The following GSK3B variants were observed in gnomAD, a reference collection of about 807,000 sequenced individuals.
The protein encoded by GSK3B is glycogen synthase kinase 3 beta.
GSK3B carries 15 observed loss-of-function variants against 56.4 expected under a neutral mutation model. The observed-to-expected ratio is 0.27, with a 90% confidence interval of 0.18 to 0.41. GSK3B has a LOEUF of 0.41. GSK3B is among the 10% of genes least tolerant of loss of function. The pLI, the probability that GSK3B is intolerant of heterozygous loss-of-function variation, is 1.00. For synonymous variants in GSK3B, 181 were observed against 188.9 expected, an observed-to-expected ratio of 0.96 and a Z score of 0.34; for missense variants, 300 against 513.4, an observed-to-expected ratio of 0.58 and a Z score of 4.02.
chr3:119,951,520 G>A (rs959521810), intron 2 of GSK3B, among the ~76,000 whole-genome samples: 2 of 152,176 alleles, frequency 1.3e-5, no homozygotes, highest in African/African-American at 4.8e-5. Flanking sequence ...GCAGTAAGCT[G>A]AGATCATGCC....
At chr3:119,848,019 T>C (rs1463123922) in intron 9 of GSK3B, among the ~76,000 whole-genome samples, 3 of 152,206 alleles carry the variant, frequency 2.0e-5, no homozygotes, top group Non-Finnish European at 4.4e-5. Flanking sequence ...ACTGAAAATG[T>C]CTTTATCCAA....
chr3:120,071,560 C>T (rs893557053), intron 1 of GSK3B, among the ~76,000 whole-genome samples: 51 of 152,072 alleles, frequency 3.4e-4, no homozygotes, highest in African/African-American at 1.2e-3. Flanking sequence ...AGCACACATG[C>T]GAGGGATCTA....
At position 119,822,071 on chromosome 3, in the gene GSK3B, G is replaced by GA. The variant is rs1026473001; in HGVS notation, c.*4716dup. On this transcript the variant is annotated 3_prime_UTR_variant, in exon 11 of 11. Coordinates refer to ENST00000264235, the MANE Select transcript of GSK3B (RefSeq NM_001146156.2). ...GTATTTACAAGGGAATGGGGAAAGG[G>GA]AAAAAAAACATTGAGCATACTTTTC... The GA allele has an allele frequency of 6.2e-5, 12 of 194,560 alleles. No individual in the cohort carries two copies. Among genetic ancestry groups the GA allele is most frequent in the South Asian group, 2.0e-4 (1 of 5,108 alleles). The allele number at this position is 194,560 out of a possible 1,614,324, so 12.1% of individuals were successfully genotyped here.
chr3:119,954,007 A>C (rs2057184806), intron 2 of GSK3B, among the ~76,000 whole-genome samples: 2 of 152,130 alleles, frequency 1.3e-5, no homozygotes, highest in South Asian at 4.1e-4. Context: ...ATACAGACAC[A>C]GACACAGACA....
At chr3:120,042,116 C>CA (rs1458227793) in intron 1 of GSK3B, among the ~76,000 whole-genome samples, 1 of 152,050 alleles carries the variant, frequency 6.6e-6, no homozygotes, top group Admixed American at 6.6e-5. Flanking sequence ...CCCCAGACAC[C>CA]AAAAAAGCCT....
chr3:120,036,074 AT>A (rs2058019926), intron 1 of GSK3B, among the ~76,000 whole-genome samples: 2 of 152,152 alleles, frequency 1.3e-5, no homozygotes, highest in African/African-American at 4.8e-5. Flanking sequence ...AGCATCCAAT[AT>A]TTTGCCATTA....
chr3:119,970,270 T>C (rs2057353255), intron 2 of GSK3B, among the ~76,000 whole-genome samples: 2 of 152,170 alleles, frequency 1.3e-5, no homozygotes, highest in South Asian at 4.1e-4. Flanking sequence ...TTCAATCTTT[T>C]AAAATGGGTA....
Position 119,823,637 on chromosome 3 carries a change from C to G in GSK3B, c.*3151G>C. On this transcript the variant is annotated 3_prime_UTR_variant, in exon 11 of 11. Coordinates refer to ENST00000264235, the MANE Select transcript of GSK3B (RefSeq NM_001146156.2). ...CGATATCCTCCAGCTCTAGGGCTCC[C>G]TGGTGCTACACTAAGTCCCTGAATG... 5.5e-6 allele frequency: 1 copy of G among 183,418 alleles called. No individual in the cohort carries two copies. Among genetic ancestry groups the G allele is most frequent in the Non-Finnish European group, 1.2e-5 (1 of 86,288 alleles). The allele number at this position is 183,418 out of a possible 1,614,324, so 11.4% of individuals were successfully genotyped here.
At chr3:119,970,613 T>TA (rs1170925404) in intron 2 of GSK3B, among the ~76,000 whole-genome samples, 5,384 of 114,174 alleles carry the variant, frequency 0.047, 129 homozygotes, top group African/African-American at 0.07. Context: ...CTACTAAAAT[T>TA]AAAAAAAAAA....
At chr3:119,927,025 G>A (rs1299960159) in intron 3 of GSK3B, among the ~76,000 whole-genome samples, 1 of 152,132 alleles carries the variant, frequency 6.6e-6, no homozygotes, top group East Asian at 1.9e-4. Context: ...GCTCCATGAT[G>A]GCAAAGGCTT....
At chr3:119,953,851 C>A (rs2057183635) in intron 2 of GSK3B, among the ~76,000 whole-genome samples, 1 of 152,140 alleles carries the variant, frequency 6.6e-6, no homozygotes, top group Non-Finnish European at 1.5e-5. Context: ...ACGAGGCCAT[C>A]ACCAATCTCT....
chr3:119,836,045 C>T (rs1183331022), intron 10 of GSK3B, among the ~76,000 whole-genome samples: 1 of 152,088 alleles, frequency 6.6e-6, no homozygotes, highest in Non-Finnish European at 1.5e-5. Flanking sequence ...ATGTAGGTAA[C>T]AGGAATTCTG....
intron 10 of GSK3B, chr3:119,832,906 T>C (rs2055626753): frequency 2.7e-6 from 2 of 746,024 alleles, no homozygotes; most frequent in Non-Finnish European, 1.6e-6. Context: ...ATTCTATATC[T>C]GGTATCATAA....
intron 1 of GSK3B, among the ~76,000 whole-genome samples, chr3:120,058,724 ATGTGGCTAGGCATGGTGGCTCATGCC>A (rs1050511218): frequency 2.0e-5 from 3 of 152,144 alleles, no homozygotes; most frequent in African/African-American, 7.2e-5. Context: ...CAAAAGAATA[ATGTGGCTAGGCATGGTGGCTCATGCC>A]TGTAATCCCA....
At position 119,897,896 on chromosome 3, in the gene GSK3B, T is replaced by C. The variant is rs567321602; in HGVS notation, c.813+7859A>G. ...AGGTACACATGGGCACTGAACAAACTATAGGACAGGACAGGGATAATTAAA... is the reference window on the plus strand; with the variant it reads ...AGGTACACATGGGCACTGAACAAACCATAGGACAGGACAGGGATAATTAAA... On this transcript the variant is annotated intron_variant, in intron 7 of 10. Coordinates refer to ENST00000264235, the MANE Select transcript of GSK3B (RefSeq NM_001146156.2). Among the ~76,000 whole-genome samples, 10 of 151,686 alleles carry C rather than the reference T, an allele frequency of 6.6e-5. No individual in the cohort carries two copies. In the East Asian group the frequency reaches 1.5e-3, roughly 23 times the overall value.
At position 119,843,245 on chromosome 3, in the gene GSK3B, A is replaced by G; in HGVS notation, c.1195+10T>C. 1.3e-6 allele frequency: 2 copies of G among 1,569,606 alleles called. No individual in the cohort carries two copies. On this transcript the variant is annotated intron_variant, in intron 10 of 10. Transcript: ENST00000264235. ...TATGTTTTTATAGAAGAGACTTAGA[A>G]CGTTCTTACCTGACGCTGCTGTGGC...
At chr3:119,958,206 G>T (rs1028028567) in intron 2 of GSK3B, among the ~76,000 whole-genome samples, 1 of 151,934 alleles carries the variant, frequency 6.6e-6, no homozygotes, top group Non-Finnish European at 1.5e-5. Flanking sequence ...TTTCCCTTTC[G>T]CCATGACTGT....
intron 2 of GSK3B, among the ~76,000 whole-genome samples, chr3:119,952,617 A>G (rs868072341): frequency 5.3e-5 from 8 of 151,708 alleles, no homozygotes; most frequent in African/African-American, 1.4e-4. Context: ...AAAAAAAAAC[A>G]TGAGAGGAGC....
intron 3 of GSK3B, among the ~76,000 whole-genome samples, chr3:119,930,350 G>A (rs2107473526): frequency 6.6e-6 from 1 of 151,970 alleles, no homozygotes; most frequent in Admixed American, 6.6e-5. Flanking sequence ...AACGCAATAA[G>A]GGGCAACAGT....
Sources: allele counts gnomAD v4.1 joint callset (sites outside exome capture counted in the v4.1 genomes callset), GRCh38; gene constraint gnomAD v4.1.1; transcripts MANE v1.5; gene names NCBI Gene and HGNC (gene_info 2026-07-23, HGNC 2026-07-21).